Variants in FSTL5 observed in about 807,000 individuals in gnomAD.
FSTL5 encodes the protein follistatin-related protein 5.
A neutral mutation model predicts 89.1 loss-of-function variants in FSTL5; 62 were observed. The ratio of observed to expected loss-of-function variants is 0.70; its 90% confidence interval spans 0.57 to 0.86. The LOEUF (loss-of-function observed/expected upper bound fraction) is 0.86. Ranked by LOEUF, FSTL5 falls within the 40% of genes least tolerant of loss-of-function variation. The pLI is 0.00. For synonymous variants in FSTL5, 383 were observed against 346.2 expected (o/e 1.11, Z -1.18); for missense variants, 1,057 against 1,001.6 (o/e 1.06, Z -0.75).
At chr4:161,766,632 T>C (rs548295368) in intron 5 of FSTL5, among the ~76,000 whole-genome samples, 11 of 152,310 alleles carry the variant, frequency 7.2e-5, no homozygotes, top group African/African-American at 1.9e-4. Context: ...CAATTACTTA[T>C]ACAAATATAT....
chr4:161,686,305 C>CATATATATATATAT (rs60120837), intron 6 of FSTL5, among the ~76,000 whole-genome samples: 1 of 25,974 alleles, frequency 3.9e-5, no homozygotes, highest in African/African-American at 1.3e-4. Context: ...TCTCCTTTGC[C>CATATATATATATAT]ATATATATAT....
chr4:161,832,458 C>T (rs1354754072), intron 4 of FSTL5, among the ~76,000 whole-genome samples: 1 of 152,108 alleles, frequency 6.6e-6, no homozygotes, highest in Non-Finnish European at 1.5e-5. Flanking sequence ...AGGAATGGTA[C>T]CAGTTCCTCC....
chr4:161,591,408 T>C (rs1733817320), intron 7 of FSTL5, among the ~76,000 whole-genome samples: 1 of 152,218 alleles, frequency 6.6e-6, no homozygotes. Flanking sequence ...ACAATTTTGC[T>C]AATATACTAG....
rs1404817785 is a variant in FSTL5 at position 162,065,674 on chromosome 4, T to C, written c.127-32016A>G. 5.3e-5 allele frequency among the ~76,000 whole-genome samples: 8 copies of C among 151,802 alleles called. No individual in the cohort carries two copies. In the East Asian group the frequency reaches 1.4e-3, roughly 26 times the overall value. ...TGAAGATTCCTCAGTAAATTAAAAA[T>C]AGAACTACCATACAATCCAGCAACT... On this transcript the variant is annotated intron_variant, in intron 2 of 15. Coordinates refer to ENST00000306100, the MANE Select transcript of FSTL5 (RefSeq NM_020116.5).
chr4:161,932,987 A>C (rs2110899717), intron 3 of FSTL5, among the ~76,000 whole-genome samples: 1 of 152,288 alleles, frequency 6.6e-6, no homozygotes, highest in East Asian at 1.9e-4. Flanking sequence ...ACAATACATC[A>C]AGAAATTATC....
chr4:161,587,634 A>T, intron 7 of FSTL5, 59 bp from the exon 8 acceptor site: 1 of 1,407,898 alleles, frequency 7.1e-7, no homozygotes, highest in Non-Finnish European at 9.8e-7. Flanking sequence ...AACAATTTCA[A>T]TTTTTAAAAG....
At chr4:161,457,233 A>G (rs1733385759) in intron 14 of FSTL5, among the ~76,000 whole-genome samples, 1 of 152,206 alleles carries the variant, frequency 6.6e-6, no homozygotes, top group Admixed American at 6.5e-5. Context: ...TATAACATAC[A>G]CACATATAAA....
At chr4:161,546,252 AGATT>A (rs1312906898) in intron 8 of FSTL5, among the ~76,000 whole-genome samples, 2 of 149,238 alleles carry the variant, frequency 1.3e-5, no homozygotes, top group South Asian at 2.1e-4. Context: ...AATATAGAAT[AGATT>A]AAGAATACTA....
At chr4:161,914,138 G>C (rs1053866226) in intron 4 of FSTL5, among the ~76,000 whole-genome samples, 1 of 152,014 alleles carries the variant, frequency 6.6e-6, no homozygotes, top group Non-Finnish European at 1.5e-5. Context: ...AGACAAAGTA[G>C]AAGAAAAAAT....
Position 161,392,415 on chromosome 4 carries a change from G to A in FSTL5, c.1842-5966C>T, listed in dbSNP as rs533103213. Among the ~76,000 whole-genome samples the A allele has an allele frequency of 9.2e-4, 140 of 152,058 alleles. 2 individuals carry two copies. The highest frequency in any genetic ancestry group is 6.9e-3 in the South Asian group (33 of 4,816). ...TAATTTTCGTATTTTTTGTAGAGAT[G>A]GGTCTCGCTGTGCTGCCAAGGCTAG... On this transcript the variant is annotated intron_variant, in intron 15 of 15. Transcript: ENST00000306100.
chr4:161,404,289 T>C (rs74380903), intron 15 of FSTL5, among the ~76,000 whole-genome samples: 7,213 of 152,218 alleles, frequency 0.047, 434 homozygotes, highest in East Asian at 0.19. Flanking sequence ...GTAGACACAT[T>C]GGAAGCCCTG....
intron 7 of FSTL5, among the ~76,000 whole-genome samples, chr4:161,628,697 A>G (rs1008035375): frequency 6.6e-6 from 1 of 152,162 alleles, no homozygotes; most frequent in Non-Finnish European, 1.5e-5. Flanking sequence ...TGAAACCTCC[A>G]TTACTAATTG....
At chr4:161,916,507 G>A (rs1425337456) in intron 4 of FSTL5, among the ~76,000 whole-genome samples, 1 of 152,094 alleles carries the variant, frequency 6.6e-6, no homozygotes, top group African/African-American at 2.4e-5. Context: ...TGAACAGCTA[G>A]GCATTTTATA....
intron 2 of FSTL5, among the ~76,000 whole-genome samples, chr4:162,057,678 T>C (rs1738589779): frequency 6.6e-6 from 1 of 152,054 alleles, no homozygotes; most frequent in African/African-American, 2.4e-5. Flanking sequence ...GTGTGGTGGC[T>C]AATGCCTGTA....
chr4:161,941,771 A>G (rs1394809478), intron 3 of FSTL5, among the ~76,000 whole-genome samples: 1 of 151,930 alleles, frequency 6.6e-6, no homozygotes, highest in Non-Finnish European at 1.5e-5. Flanking sequence ...AACTTTTCAA[A>G]CACTACAAAC....
chr4:161,903,746 A>G (rs902737296), intron 4 of FSTL5, among the ~76,000 whole-genome samples: 2 of 148,748 alleles, frequency 1.3e-5, no homozygotes, highest in Admixed American at 6.9e-5. Context: ...GAGGGATATT[A>G]TATGAATTTT....
intron 3 of FSTL5, among the ~76,000 whole-genome samples, chr4:161,925,765 T>C (rs190920139): frequency 2.9e-4 from 42 of 145,788 alleles, no homozygotes; most frequent in Middle Eastern, 3.4e-3. Flanking sequence ...TTGAATTAAA[T>C]AGATAACTGC....
intron 3 of FSTL5, among the ~76,000 whole-genome samples, chr4:161,999,631 G>C (rs911033550): frequency 2.0e-5 from 3 of 152,092 alleles, no homozygotes; most frequent in African/African-American, 7.2e-5. Flanking sequence ...TTACATATAT[G>C]TAAATGATCA....
chr4:161,457,915 G>T (rs1047174777), intron 14 of FSTL5, among the ~76,000 whole-genome samples: 7 of 152,100 alleles, frequency 4.6e-5, no homozygotes, highest in African/African-American at 1.7e-4. Flanking sequence ...TCTTGAATCT[G>T]GGCAGGCAAT....
Sources: gnomAD v4.1 joint callset for allele counts (sites outside exome capture counted in the v4.1 genomes callset) on GRCh38, gnomAD v4.1.1 for gene constraint, MANE v1.5 for transcripts, NCBI Gene and HGNC (gene_info 2026-07-23, HGNC 2026-07-21) for gene names.